SLC14A1: variants seen among roughly 807,000 people sequenced by gnomAD.
SLC14A1 encodes solute carrier family 14 member 1 (Kidd blood group), also known as urea transporter 1.
Under a neutral mutation model 39.6 loss-of-function variants are expected in SLC14A1, and 36 were observed. That is an observed-to-expected ratio of 0.91 (90% CI 0.70 to 1.20). The LOEUF is 1.20. Ranked by LOEUF, SLC14A1 falls within the 50% of genes most tolerant of loss-of-function variation. The pLI, the probability that SLC14A1 is intolerant of heterozygous loss-of-function variation, is 0.00. For missense variants in SLC14A1, 469 were observed against 478.7 expected, an observed-to-expected ratio of 0.98 and a Z score of 0.19; for synonymous variants, 164 against 173.6, an observed-to-expected ratio of 0.94 and a Z score of 0.43.
intron 2 of SLC14A1, chr18:45,727,138 T>C: frequency 1.1e-6 from 1 of 874,048 alleles, no homozygotes; most frequent in Non-Finnish European, 1.8e-6. Context: ...GGGCCACATC[T>C]TCCCTCACCA....
At chr18:45,732,053 A>C (rs1306421581) in intron 4 of SLC14A1, among the ~76,000 whole-genome samples, 1 of 152,230 alleles carries the variant, frequency 6.6e-6, no homozygotes, top group Non-Finnish European at 1.5e-5. Context: ...GTTAAACTCT[A>C]TTCCAATGCA....
intron 2 of SLC14A1, chr18:45,729,863 G>A (rs547714257): frequency 6.5e-6 from 1 of 153,606 alleles, no homozygotes; most frequent in South Asian, 2.1e-4. Flanking sequence ...AGCCTGCATT[G>A]GTGAGCAGGC....
Position 45,739,178 on chromosome 18 carries a change from C to A in SLC14A1, c.679C>A (p.Pro227Thr). The change falls in exon 7 of 10, where the codon CCA (proline) becomes ACA (threonine). Residue 227 changes from proline (P) to threonine (T), a missense_variant. Transcript: ENST00000321925. ...LSALELLKSI[P>T]VGVGQIYGCD... The stretch of plus-strand genomic sequence containing the variant: ...TCTTTTGCAGTTGTTGAAATCTATA[C>A]CAGTGGGAGTTGGTCAGATCTATGG... 6.2e-7 allele frequency: 1 copy of A among 1,614,042 alleles called. No homozygotes were observed. Among genetic ancestry groups the A allele is most frequent in the Non-Finnish European group, 8.5e-7 (1 of 1,179,996 alleles).
chr18:45,731,747 T>C (rs2047036553), intron 4 of SLC14A1: 1 of 178,654 alleles, frequency 5.6e-6, no homozygotes, highest in Admixed American at 5.4e-5. Flanking sequence ...AGATTAAAAA[T>C]AGCACACACT....
intron 4 of SLC14A1, 57 bp from the exon 5 acceptor site, chr18:45,734,217 G>A (rs1245051058): frequency 1.9e-6 from 3 of 1,610,374 alleles, no homozygotes; most frequent in South Asian, 1.1e-5. Flanking sequence ...TTATTTATGT[G>A]CAAGTGCAAC....
At chr18:45,732,816 G>A (rs546219514) in intron 4 of SLC14A1, among the ~76,000 whole-genome samples, 1 of 152,198 alleles carries the variant, frequency 6.6e-6, no homozygotes, top group Admixed American at 6.5e-5. Context: ...AACTCTCAGA[G>A]CTGTGGGAAT....
chr18:45,745,050 C>G (rs1418026072), intron 8 of SLC14A1, among the ~76,000 whole-genome samples: 1 of 152,182 alleles, frequency 6.6e-6, no homozygotes, highest in Non-Finnish European at 1.5e-5. Context: ...TGAGACCATC[C>G]TGGCTAACAC....
At chr18:45,728,907 T>C (rs1198235854) in intron 2 of SLC14A1, 1 of 152,238 alleles carries the variant, frequency 6.6e-6, no homozygotes, top group Non-Finnish European at 1.5e-5. Context: ...GGTAATACAA[T>C]TGAAATGTAA....
intron 8 of SLC14A1, among the ~76,000 whole-genome samples, chr18:45,745,871 T>G (rs1181584862): frequency 6.6e-6 from 1 of 152,202 alleles, no homozygotes; most frequent in Admixed American, 6.5e-5. Flanking sequence ...ATCTCACATG[T>G]AAAATGCCAC....
In SLC14A1 at chr18:45,739,568, A is replaced by C. The variant is rs1200524151; in HGVS notation, c.852A>C (p.Gly284=). 2 of 1,613,710 alleles carry C rather than the reference A, an allele frequency of 1.2e-6. No homozygotes were observed. The highest frequency in any genetic ancestry group is 1.7e-6 in the Non-Finnish European group (2 of 1,179,968). Residue 284 remains glycine, a synonymous_variant, in exon 8 of 10, where the codon GGA becomes GGC. Coordinates refer to ENST00000321925, the MANE Select transcript of SLC14A1 (RefSeq NM_015865.7). ...CCCCATTTGAGGACATCTACTTTGG[A>C]CTCTGGGGTTTCAACAGCTCTCTGG... ...LSAPFEDIYF[G]LWGFNSSLAC...
chr18:45,733,259 A>C lies in SLC14A1; in HGVS notation c.342-1015A>C, dbSNP rs1387283344. On this transcript the variant is annotated intron_variant, in intron 4 of 9. Transcript: ENST00000321925. ...CCCCTCAATCTAAAGAAGGAGAAGA[A>C]GACGGGGAAGAAATGAGATTGAATA... Among the ~76,000 whole-genome samples the C allele has an allele frequency of 7.2e-5, 11 of 152,350 alleles. No homozygotes were observed. The South Asian group carries it at 1.0e-3, about 14-fold the overall frequency.
intron 2 of SLC14A1, 76 bp from the exon 3 acceptor site, chr18:45,730,224 T>C: frequency 1.4e-6 from 2 of 1,473,498 alleles, no homozygotes; most frequent in Non-Finnish European, 1.8e-6. Flanking sequence ...GATCTTCTAC[T>C]GTAACCAGGC....
chr18:45,725,170 T>A (rs2046830466), intron 2 of SLC14A1, among the ~76,000 whole-genome samples, 157 bp downstream of exon 2: 1 of 152,212 alleles, frequency 6.6e-6, no homozygotes, highest in Admixed American at 6.5e-5. Context: ...TCTCTCCAAT[T>A]GCACAAATTT....
At position 45,739,311 on chromosome 18, in the gene SLC14A1, G is replaced by A; in HGVS notation, c.811+1G>A. On this transcript the variant is annotated splice_donor_variant, in intron 7 of 9. Transcript: ENST00000321925. LOFTEE classifies it high-confidence loss of function. ...GGATCATTGCTGGGCATAGCAGCGGGTGAGCACAAGAGCCCTTACCAAATA... is the reference window on the plus strand; with the variant it reads ...GGATCATTGCTGGGCATAGCAGCGGATGAGCACAAGAGCCCTTACCAAATA... 1 of 1,614,128 alleles carries A rather than the reference G, an allele frequency of 6.2e-7. No individual in the cohort carries two copies. Among genetic ancestry groups the A allele is most frequent in the Non-Finnish European group, 8.5e-7 (1 of 1,180,024 alleles).
intron 1 of SLC14A1, among the ~76,000 whole-genome samples, chr18:45,724,609 T>C (rs796198460): frequency 6.6e-6 from 1 of 152,332 alleles, no homozygotes; most frequent in South Asian, 2.1e-4. Flanking sequence ...AGTTTCAGGT[T>C]GTGTTCTTGA....
intron 6 of SLC14A1, among the ~76,000 whole-genome samples, chr18:45,738,002 C>T (rs935022032): frequency 6.6e-6 from 1 of 152,006 alleles, no homozygotes; most frequent in African/African-American, 2.4e-5. Context: ...AACAAACAAA[C>T]AAAAAAAGCA....
At chr18:45,727,845 T>C (rs970268574) in intron 2 of SLC14A1, among the ~76,000 whole-genome samples, 5 of 152,224 alleles carry the variant, frequency 3.3e-5, no homozygotes, top group Non-Finnish European at 7.3e-5. Flanking sequence ...ATGCAAATAT[T>C]TTAGCATGGC....
At chr18:45,740,004 C>A (rs1178238175) in intron 8 of SLC14A1, 4 of 373,640 alleles carry the variant, frequency 1.1e-5, no homozygotes, top group Non-Finnish European at 2.1e-5. Flanking sequence ...CCACACATGC[C>A]TTCTCAAAGC....
At chr18:45,746,537 CT>C (rs2144849997) in intron 8 of SLC14A1, among the ~76,000 whole-genome samples, 2 of 152,236 alleles carry the variant, frequency 1.3e-5, no homozygotes, top group South Asian at 4.1e-4. Flanking sequence ...GCAACAAGGC[CT>C]CATGTGCTCA....
Sources: gnomAD v4.1 joint callset for allele counts (sites outside exome capture counted in the v4.1 genomes callset) on GRCh38, gnomAD v4.1.1 for gene constraint, MANE v1.5 for transcripts, NCBI Gene and HGNC (gene_info 2026-07-23, HGNC 2026-07-21) for gene names.